Variants in FGF2 observed in about 807,000 individuals in gnomAD.
The protein encoded by FGF2 is basic fibroblast growth factor bFGF.
Under a neutral mutation model 15.9 loss-of-function variants are expected in FGF2, and 13 were observed. The ratio of observed to expected loss-of-function variants is 0.82; its 90% CI spans 0.53 to 1.30. The LOEUF (loss-of-function observed/expected upper bound fraction) is 1.30. Ranked by LOEUF, FGF2 falls within the 50% of genes most tolerant of loss-of-function variation. The pLI is 0.00. For missense variants in FGF2, 163 were observed against 196.9 expected, an observed-to-expected ratio of 0.83 and a Z score of 1.03; for synonymous variants, 90 against 78.4, an observed-to-expected ratio of 1.15 and a Z score of -0.78.
At chr4:122,833,574 C>T (rs1414224204) in intron 1 of FGF2, among the ~76,000 whole-genome samples, 2 of 152,138 alleles carry the variant, frequency 1.3e-5, no homozygotes, top group Non-Finnish European at 2.9e-5. Flanking sequence ...CCTTAAGATG[C>T]TGGCACCTTA....
At chr4:122,858,741 A>G (rs1249115427) in intron 1 of FGF2, among the ~76,000 whole-genome samples, 2 of 152,026 alleles carry the variant, frequency 1.3e-5, no homozygotes, top group Non-Finnish European at 2.9e-5. Flanking sequence ...TCAGTTATCT[A>G]TGCATTAAAC....
Position 122,827,690 on chromosome 4 carries a change from C to A in FGF2, c.178+338C>A, listed in dbSNP as rs1366372700. ...CGGGGATGCCCGCGGCCCCGCCATG[C>A]AGCTCTGGCCGCTTCTATCTGCTGC... On this transcript the variant is annotated intron_variant, in intron 1 of 2. Transcript: ENST00000644866. This position sits in a 1 kb window ranked among gnomAD's most constrained non-coding sequence, Gnocchi z 4.2. 1.3e-5 allele frequency among the ~76,000 whole-genome samples: 2 copies of A among 152,200 alleles called. No homozygotes were observed. Among genetic ancestry groups the A allele is most frequent in the South Asian group, 2.1e-4 (1 of 4,832 alleles).
In FGF2 at chr4:122,893,733, A is replaced by T. The variant is rs1395612675; in HGVS notation, c.*1337A>T. 6.6e-6 allele frequency: 1 copy of T among 152,300 alleles called. No individual in the cohort carries two copies. Among genetic ancestry groups the T allele is most frequent in the African/African-American group, 2.4e-5 (1 of 41,464 alleles). The allele number at this position is 152,300 out of a possible 1,614,324, so 9.4% of individuals were successfully genotyped here. ...ATTTTATAAGGTTGATTTTTCAATT[A>T]AATGCAAATTTGTGTGGCAGGATTT... On this transcript the variant is annotated 3_prime_UTR_variant, in exon 3 of 3. Coordinates refer to ENST00000644866, the MANE Select transcript of FGF2 (RefSeq NM_001361665.2).
chr4:122,835,041 A>T (rs765614050), intron 1 of FGF2, among the ~76,000 whole-genome samples: 2 of 152,176 alleles, frequency 1.3e-5, no homozygotes, highest in Non-Finnish European at 2.9e-5. Flanking sequence ...ACTCAAGAGG[A>T]CAACTTTGAC....
At chr4:122,857,315 A>T (rs1726362269) in intron 1 of FGF2, among the ~76,000 whole-genome samples, 1 of 152,172 alleles carries the variant, frequency 6.6e-6, no homozygotes, top group Non-Finnish European at 1.5e-5. Context: ...TCAACTTGTG[A>T]CTATTTACTG....
intron 2 of FGF2, among the ~76,000 whole-genome samples, chr4:122,879,059 T>C (rs1230128548): frequency 6.6e-6 from 1 of 152,158 alleles, no homozygotes; most frequent in East Asian, 1.9e-4. Flanking sequence ...GATCAGCATA[T>C]AGGTGGTAGT....
At chr4:122,841,007 T>A (rs1213796553) in intron 1 of FGF2, among the ~76,000 whole-genome samples, 1 of 152,170 alleles carries the variant, frequency 6.6e-6, no homozygotes, top group Non-Finnish European at 1.5e-5. Flanking sequence ...AAAAAGAAGA[T>A]AACAGAGTAA....
At chr4:122,871,646 C>A (rs1388269599) in intron 1 of FGF2, among the ~76,000 whole-genome samples, 1 of 152,054 alleles carries the variant, frequency 6.6e-6, no homozygotes, top group Non-Finnish European at 1.5e-5. Context: ...AAGAAGCAGG[C>A]ACCCATCTTT....
chr4:122,861,324 T>C (rs1384905984), intron 1 of FGF2, among the ~76,000 whole-genome samples: 2 of 152,214 alleles, frequency 1.3e-5, no homozygotes, highest in Non-Finnish European at 2.9e-5. Context: ...TCTGTCTGAA[T>C]TTTCCACAGG....
At chr4:122,845,566 G>A (rs116717957) in intron 1 of FGF2, among the ~76,000 whole-genome samples, 3,534 of 152,270 alleles carry the variant, frequency 0.023, 62 homozygotes, top group Admixed American at 0.034. Flanking sequence ...GATAACTTGC[G>A]CTAGCTTCTA....
Position 122,852,111 on chromosome 4 carries a change from A to G in FGF2, c.179-24210A>G, listed in dbSNP as rs536475659. On this transcript the variant is annotated intron_variant, in intron 1 of 2. Transcript: ENST00000644866. ...CTTCAGTTGTCTATTGCTGTGTAAC[A>G]AACATCTCAAAGCTGTGTGGTCTAA... Among the ~76,000 whole-genome samples, 5 of 152,298 alleles carry G rather than the reference A, an allele frequency of 3.3e-5. No homozygotes were observed. In the South Asian group the frequency reaches 8.3e-4, roughly 25 times the overall value.
chr4:122,847,281 C>CTTG (rs1352216514), intron 1 of FGF2, among the ~76,000 whole-genome samples: 1 of 152,132 alleles, frequency 6.6e-6, no homozygotes, highest in Non-Finnish European at 1.5e-5. Context: ...CTTATACTCA[C>CTTG]GGAACAATGA....
At chr4:122,849,822 G>C (rs1202085860) in intron 1 of FGF2, among the ~76,000 whole-genome samples, 1 of 152,152 alleles carries the variant, frequency 6.6e-6, no homozygotes, top group African/African-American at 2.4e-5. Flanking sequence ...ATTAACCAGG[G>C]ATATGCCCAA....
intron 1 of FGF2, among the ~76,000 whole-genome samples, chr4:122,844,572 T>TC (rs1284991851): frequency 4.8e-4 from 60 of 125,772 alleles, no homozygotes; most frequent in African/African-American, 2.1e-3. Flanking sequence ...TTTCTTTCTT[T>TC]TTCTTTCTTT....
intron 1 of FGF2, among the ~76,000 whole-genome samples, chr4:122,874,844 ATTATAT>A (rs1253644122): frequency 6.6e-6 from 1 of 152,108 alleles, no homozygotes; most frequent in Non-Finnish European, 1.5e-5. Flanking sequence ...ACACCTGGAA[ATTATAT>A]TTATTTTATA....
chr4:122,886,341 T>C (rs1281917462), intron 2 of FGF2, among the ~76,000 whole-genome samples: 3 of 152,196 alleles, frequency 2.0e-5, no homozygotes, highest in Non-Finnish European at 4.4e-5. Context: ...ACTCATGATA[T>C]AATCCTTGCT....
At chr4:122,886,332 C>A (rs1347830902) in intron 2 of FGF2, among the ~76,000 whole-genome samples, 2 of 152,122 alleles carry the variant, frequency 1.3e-5, no homozygotes, top group Non-Finnish European at 2.9e-5. Flanking sequence ...TGACTGATAA[C>A]TCATGATATA....
intron 1 of FGF2, among the ~76,000 whole-genome samples, chr4:122,875,457 A>G (rs1185299644): frequency 8.5e-6 from 1 of 117,952 alleles, no homozygotes; most frequent in Non-Finnish European, 1.9e-5. Flanking sequence ...TCCCATATAG[A>G]AAGCTAAATG....
Position 122,827,264 on chromosome 4 carries a change from G to A in FGF2, c.90G>A (p.Lys30=), listed in dbSNP as rs1560732703. Residue 30 remains lysine, a synonymous_variant, in exon 1 of 3, where the codon AAG becomes AAA. Coordinates refer to ENST00000644866, the MANE Select transcript of FGF2 (RefSeq NM_001361665.2). This position sits in a 1 kb window ranked among gnomAD's most constrained non-coding sequence, Gnocchi z 4.2. ...CGCCCGGCCACTTCAAGGACCCCAA[G>A]CGGCTGTACTGCAAAAACGGGGGCT... ...AFPPGHFKDP[K]RLYCKNGGFF... 2 of 1,612,736 alleles carry A rather than the reference G, an allele frequency of 1.2e-6. No homozygotes were observed. Among genetic ancestry groups the A allele is most frequent in the South Asian group, 1.1e-5 (1 of 91,054 alleles).
Sources: gnomAD v4.1 joint callset for allele counts (sites outside exome capture counted in the v4.1 genomes callset) on GRCh38, gnomAD v4.1.1 for gene constraint, Gnocchi (gnomAD v3.1) non-coding constraint, MANE v1.5 for transcripts, NCBI Gene and HGNC (gene_info 2026-07-23, HGNC 2026-07-21) for gene names.